The following AP2B1 variants were observed in gnomAD, a reference collection of about 807,000 sequenced individuals.
The protein encoded by AP2B1 is adaptor related protein complex 2 subunit beta 1, also known as AP-2 complex subunit beta.
AP2B1 carries 23 observed loss-of-function variants against 102.0 expected under a neutral mutation model. That is an observed-to-expected ratio of 0.23 (90% confidence interval 0.16 to 0.32). The LOEUF (loss-of-function observed/expected upper bound fraction) is 0.32. AP2B1 is among the 10% of genes least tolerant of loss of function. The pLI, the probability that AP2B1 is intolerant of heterozygous loss-of-function variation, is 1.00. For synonymous variants in AP2B1, 381 were observed against 421.2 expected (o/e 0.90, Z 1.17); for missense variants, 541 against 1,157.4 (o/e 0.47, Z 7.73).
At position 35,725,439 on chromosome 17, in the gene AP2B1, T is replaced by G. The variant is rs1555595006; in HGVS notation, c.*1740T>G. 3.9e-5 allele frequency: 6 copies of G among 152,182 alleles called. No homozygotes were observed. Among genetic ancestry groups the G allele is most frequent in the African/African-American group, 1.4e-4 (6 of 41,412 alleles). 9.4% of individuals were successfully genotyped at this position (152,182 alleles called of 1,614,324 possible). On this transcript the variant is annotated 3_prime_UTR_variant, in exon 22 of 22. Coordinates refer to ENST00000610402, the MANE Select transcript of AP2B1 (RefSeq NM_001030006.2). ...AGCAAAACTACCCCACACCCCTATT[T>G]CATGTCTGAAATAACCCTGTTTCAT...
intron 20 of AP2B1, among the ~76,000 whole-genome samples, chr17:35,716,044 G>A (rs1413780126): frequency 2.6e-5 from 4 of 152,150 alleles, no homozygotes; most frequent in African/African-American, 9.7e-5. Context: ...GGTACCTGTT[G>A]TATTGCAGAT....
At chr17:35,681,528 A>G (rs1363713508) in intron 17 of AP2B1, among the ~76,000 whole-genome samples, 3 of 152,114 alleles carry the variant, frequency 2.0e-5, no homozygotes, top group African/African-American at 4.8e-5. Flanking sequence ...CTCAGCCTCC[A>G]GAGTAGCTAG....
In AP2B1 at chr17:35,605,844, A is replaced by C. The variant is rs756731050; in HGVS notation, c.279+4A>C. 1 of 1,608,266 alleles carries C rather than the reference A, an allele frequency of 6.2e-7. No homozygotes were observed. Among genetic ancestry groups the C allele is most frequent in the Non-Finnish European group, 8.5e-7 (1 of 1,178,104 alleles). On this transcript the variant is annotated splice_donor_region_variant and intron_variant, in intron 4 of 21. Coordinates refer to ENST00000610402, the MANE Select transcript of AP2B1 (RefSeq NM_001030006.2). ...GGCTGTAAACAGCTTTGTGAAGGTAACTTTTCCCAAGGCCTCAATAACAGA... is the reference window on the plus strand; with the variant it reads ...GGCTGTAAACAGCTTTGTGAAGGTACCTTTTCCCAAGGCCTCAATAACAGA...
intron 18 of AP2B1, among the ~76,000 whole-genome samples, chr17:35,697,097 G>A (rs2076155459): frequency 1.3e-5 from 2 of 152,210 alleles, no homozygotes. Context: ...CAGCAGCCTT[G>A]CGTTCTATCC....
intron 16 of AP2B1, among the ~76,000 whole-genome samples, chr17:35,672,852 CT>C (rs1350447254): frequency 3.3e-5 from 5 of 152,310 alleles, no homozygotes; most frequent in Admixed American, 2.0e-4. Context: ...TTGTCTCCCC[CT>C]GCCCCCATTT....
chr17:35,645,455 A>G (rs1483443126), intron 12 of AP2B1, among the ~76,000 whole-genome samples: 1 of 152,218 alleles, frequency 6.6e-6, no homozygotes, highest in Non-Finnish European at 1.5e-5. Context: ...TTAGGGGGAA[A>G]AACCCAACCC....
chr17:35,650,474 G>A (rs1307245916), intron 12 of AP2B1, 56 bp from the exon 13 acceptor site: 1 of 1,580,492 alleles, frequency 6.3e-7, no homozygotes, highest in Non-Finnish European at 8.6e-7. Context: ...AGCAGTTTGG[G>A]TTTCTGTATG....
At chr17:35,597,485 C>T (rs1376599960) in intron 2 of AP2B1, among the ~76,000 whole-genome samples, 1 of 152,232 alleles carries the variant, frequency 6.6e-6, no homozygotes, top group East Asian at 1.9e-4. Context: ...CCATTGTGTA[C>T]CATTCTTGGT....
At chr17:35,620,076 G>T (rs370506791) in intron 5 of AP2B1, among the ~76,000 whole-genome samples, 1 of 152,094 alleles carries the variant, frequency 6.6e-6, no homozygotes, top group Non-Finnish European at 1.5e-5. Flanking sequence ...GTGAACCACC[G>T]TGCTCGGCCA....
chr17:35,615,824 G>A (rs1310340528), intron 5 of AP2B1, among the ~76,000 whole-genome samples: 1 of 152,130 alleles, frequency 6.6e-6, no homozygotes, highest in Admixed American at 6.6e-5. Context: ...AACATTGAAG[G>A]TAATACATTC....
At chr17:35,657,882 C>A in intron 14 of AP2B1, 91 bp downstream of exon 14, 1 of 1,216,036 alleles carries the variant, frequency 8.2e-7, no homozygotes, top group Non-Finnish European at 1.1e-6. Context: ...AGAACTAGAC[C>A]TTTCCTTGAT....
chr17:35,699,151 A>C (rs1468179457), intron 18 of AP2B1, among the ~76,000 whole-genome samples: 1 of 152,210 alleles, frequency 6.6e-6, no homozygotes, highest in Non-Finnish European at 1.5e-5. Flanking sequence ...AGGCTTTACT[A>C]AGAGAGATTG....
At chr17:35,626,233 T>G (rs1191151408) in intron 6 of AP2B1, among the ~76,000 whole-genome samples, 1 of 152,174 alleles carries the variant, frequency 6.6e-6, no homozygotes, top group Admixed American at 6.5e-5. Flanking sequence ...TCAGAATGCT[T>G]AATTTGACTT....
At chr17:35,596,853 C>T (rs979652511) in intron 2 of AP2B1, 6 of 680,198 alleles carry the variant, frequency 8.8e-6, no homozygotes, top group Admixed American at 3.6e-5. Context: ...GCACACAGGC[C>T]GCCCAGCAGG....
chr17:35,715,307 G>C (rs376053044), intron 20 of AP2B1, among the ~76,000 whole-genome samples: 4 of 152,266 alleles, frequency 2.6e-5, no homozygotes, highest in African/African-American at 9.6e-5. Context: ...ATAAGAGAGA[G>C]AGAGACAGAG....
chr17:35,692,791 G>GTAAAATCTCA (rs1294887242), intron 18 of AP2B1, among the ~76,000 whole-genome samples: 1 of 152,176 alleles, frequency 6.6e-6, no homozygotes, highest in Non-Finnish European at 1.5e-5. Context: ...CATAAGGAAT[G>GTAAAATCTCA]TAAAATCTCA....
chr17:35,685,687 C>T (rs1293498320), intron 18 of AP2B1, among the ~76,000 whole-genome samples: 2 of 152,152 alleles, frequency 1.3e-5, no homozygotes, highest in African/African-American at 2.4e-5. Context: ...AACTTTTCAT[C>T]AGAACACTCA....
chr17:35,627,603 A>G, intron 8 of AP2B1, 28 bp from the exon 9 acceptor site: 2 of 1,613,364 alleles, frequency 1.2e-6, no homozygotes, highest in African/African-American at 2.7e-5. Flanking sequence ...AGAATCCTTA[A>G]TGATTAACCA....
At chr17:35,722,218 T>C (rs2143015358) in intron 21 of AP2B1, among the ~76,000 whole-genome samples, 1 of 152,324 alleles carries the variant, frequency 6.6e-6, no homozygotes, top group Non-Finnish European at 1.5e-5. Flanking sequence ...CACTCCAGCC[T>C]GGGTGACAGA....
Sources: allele counts gnomAD v4.1 joint callset (sites outside exome capture counted in the v4.1 genomes callset), GRCh38; gene constraint gnomAD v4.1.1; transcripts MANE v1.5; gene names NCBI Gene and HGNC (gene_info 2026-07-23, HGNC 2026-07-21).